The following SDK2 variants were observed in gnomAD, a reference collection of about 807,000 sequenced individuals.
SDK2 encodes sidekick cell adhesion molecule 2.
In SDK2, 105 loss-of-function variants were observed where a neutral mutation model predicts 253.9. That is an observed-to-expected ratio of 0.41 (90% CI 0.35 to 0.49). SDK2 has a LOEUF of 0.49. Ranked by LOEUF, SDK2 falls within the 20% of genes least tolerant of loss-of-function variation. The pLI, the probability that SDK2 is intolerant of heterozygous loss-of-function variation, is 0.06. For synonymous variants in SDK2, 1,249 were observed against 1,234.9 expected, an observed-to-expected ratio of 1.01 and a Z score of -0.24; for missense variants, 2,608 against 3,003.0, an observed-to-expected ratio of 0.87 and a Z score of 3.07.
At chr17:73,441,228 T>C (rs2063413349) in intron 5 of SDK2, among the ~76,000 whole-genome samples, 1 of 141,218 alleles carries the variant, frequency 7.1e-6, no homozygotes, top group African/African-American at 2.6e-5. Context: ...TCCTGTTCCA[T>C]TCCCTTCAAA....
intron 1 of SDK2, among the ~76,000 whole-genome samples, chr17:73,550,771 G>A (rs969733024): frequency 2.0e-5 from 3 of 152,222 alleles, no homozygotes; most frequent in African/African-American, 7.2e-5. Flanking sequence ...GGACAGTGAG[G>A]TAACCCAGAG....
rs545130544 is a variant in SDK2, at chr17:73,618,213, G to A, written c.64+25812C>T. ...ACCCATTCATTAGCCTGTAAATGAC[G>A]CAGCTCTTATACCTAGGAGTGTCCC... On this transcript the variant is annotated intron_variant, in intron 1 of 44. Coordinates refer to ENST00000392650, the MANE Select transcript of SDK2 (RefSeq NM_001144952.2). This position sits in a 1 kb window ranked among gnomAD's most constrained non-coding sequence, Gnocchi z 4.1. Among the ~76,000 whole-genome samples the A allele has an allele frequency of 2.5e-4, 38 of 152,314 alleles. No homozygotes were observed. The highest frequency in any genetic ancestry group is 6.3e-4 in the African/African-American group (26 of 41,566).
rs1414313696 is a variant in SDK2, at chr17:73,398,394, C to A, written c.3129G>T (p.Leu1043=). The A allele has an allele frequency of 2.6e-5, 42 of 1,613,938 alleles. No individual in the cohort carries two copies. Among genetic ancestry groups the A allele is most frequent in the Non-Finnish European group, 3.6e-5 (42 of 1,179,848 alleles). ...GVVGEGEEWL[L]IHQLSNEPDA... Reference sequence around the variant, plus strand: ...CGGGCTCATTGGAGAGCTGGTGGATCAGCAACCACTCCTCTCCCTCCCCAA... The same window carrying A: ...CGGGCTCATTGGAGAGCTGGTGGATAAGCAACCACTCCTCTCCCTCCCCAA... Residue 1043 remains leucine (L), a synonymous_variant, in exon 23 of 45, where the codon CTG becomes CTT. Transcript: ENST00000392650.
intron 36 of SDK2, among the ~76,000 whole-genome samples, chr17:73,374,952 T>C (rs964586612): frequency 6.6e-6 from 1 of 152,128 alleles, no homozygotes; most frequent in Non-Finnish European, 1.5e-5. Flanking sequence ...CGGGACCCTC[T>C]GAAGGTCCCA....
intron 1 of SDK2, among the ~76,000 whole-genome samples, chr17:73,560,061 C>T (rs1324386390): frequency 6.6e-6 from 1 of 152,196 alleles, no homozygotes; most frequent in Non-Finnish European, 1.5e-5. Flanking sequence ...CTTGGCCCTA[C>T]TGAGACCAGG....
chr17:73,552,987 C>T (rs1567839221), intron 1 of SDK2, among the ~76,000 whole-genome samples: 1 of 152,204 alleles, frequency 6.6e-6, no homozygotes, highest in African/African-American at 2.4e-5. Flanking sequence ...TCCTCGAGCA[C>T]CCTAATCCCA....
chr17:73,549,713 G>A (rs1449873741), intron 1 of SDK2, among the ~76,000 whole-genome samples: 4 of 152,074 alleles, frequency 2.6e-5, no homozygotes, highest in African/African-American at 4.8e-5. Context: ...GACAGAATGC[G>A]GCAGGTCCCA....
chr17:73,466,375 A>C (rs909705183), intron 3 of SDK2, among the ~76,000 whole-genome samples: 1 of 152,214 alleles, frequency 6.6e-6, no homozygotes, highest in Non-Finnish European at 1.5e-5. Flanking sequence ...GTCCGTACTC[A>C]TGGTAGCATC....
At chr17:73,624,312 G>A (rs1408959272) in intron 1 of SDK2, among the ~76,000 whole-genome samples, 1 of 152,198 alleles carries the variant, frequency 6.6e-6, no homozygotes, top group East Asian at 1.9e-4. Context: ...TGGGAAACAT[G>A]GCAAAACCCT....
chr17:73,380,214 G>C lies in SDK2; in HGVS notation c.4763-665C>G, dbSNP rs75345616. ...CCTGGGTAGGTCTACCCTTTAACAG[G>C]GTTGTGAGAGGGGTGTCACCCTTGC... On this transcript the variant is annotated intron_variant, in intron 34 of 44. Coordinates refer to ENST00000392650, the MANE Select transcript of SDK2 (RefSeq NM_001144952.2). 2.0e-3 allele frequency among the ~76,000 whole-genome samples: 299 copies of C among 152,232 alleles called. 5 individuals are homozygous for C. The East Asian group carries it at 0.046, about 23-fold the overall frequency.
At chr17:73,406,246 C>CTTTTT (rs56122304) in intron 18 of SDK2, among the ~76,000 whole-genome samples, 1 of 139,826 alleles carries the variant, frequency 7.2e-6, no homozygotes. Flanking sequence ...CTACTACACT[C>CTTTTT]TTTTTTTTTT....
intron 1 of SDK2, among the ~76,000 whole-genome samples, chr17:73,574,108 C>T (rs144500151): frequency 6.6e-6 from 1 of 152,314 alleles, no homozygotes; most frequent in Non-Finnish European, 1.5e-5. Flanking sequence ...AAGCTCTGCC[C>T]ACATCTATGC....
chr17:73,419,104 C>T (rs2063206226), intron 16 of SDK2, 62 bp downstream of exon 16: 2 of 1,570,316 alleles, frequency 1.3e-6, no homozygotes, highest in Non-Finnish European at 1.7e-6. Flanking sequence ...CAGTCCACTC[C>T]CGATCTTCCC....
chr17:73,458,778 G>A (rs59699885), intron 3 of SDK2, among the ~76,000 whole-genome samples: 1,565 of 152,322 alleles, frequency 0.01, 32 homozygotes, highest in African/African-American at 0.036. Flanking sequence ...GGCTGAGGCA[G>A]GCGGATCATG....
chr17:73,545,919 G>A (rs770965217), intron 1 of SDK2, among the ~76,000 whole-genome samples: 1 of 152,192 alleles, frequency 6.6e-6, no homozygotes, highest in Non-Finnish European at 1.5e-5. Flanking sequence ...GACAAGTTAG[G>A]AGGTGGCCAG....
chr17:73,435,778 C>T lies in SDK2; in HGVS notation c.1001-134G>A. 1 of 727,784 alleles carries T rather than the reference C, an allele frequency of 1.4e-6. No individual in the cohort carries two copies. The highest frequency in any genetic ancestry group is 2.2e-6 in the Non-Finnish European group (1 of 458,006). 45.1% of individuals were successfully genotyped at this position (727,784 alleles called of 1,614,324 possible). A position where few individuals can be genotyped will look rare whatever the true frequency, so the allele number is the denominator to read the frequency against. ...TGAATCTTGGTGTCTAGAACCTTCT[C>T]AGAGGTGCCACTTTGGGTCTAGGGA... On this transcript the variant is annotated intron_variant, in intron 8 of 44. Coordinates refer to ENST00000392650, the MANE Select transcript of SDK2 (RefSeq NM_001144952.2). The surrounding 1 kb of genome is among the most constrained non-coding windows in gnomAD (Gnocchi z 5.7).
chr17:73,445,624 T>TGAGG (rs887520717), intron 5 of SDK2, among the ~76,000 whole-genome samples: 1 of 150,914 alleles, frequency 6.6e-6, no homozygotes, highest in African/African-American at 2.4e-5. Context: ...GACGGAGGGG[T>TGAGG]GAGGCCCAGG....
intron 41 of SDK2, among the ~76,000 whole-genome samples, chr17:73,351,629 A>AG (rs1021252516): frequency 2.6e-5 from 4 of 152,094 alleles, no homozygotes; most frequent in Non-Finnish European, 5.9e-5. Flanking sequence ...CACGATCTGA[A>AG]GAAAAACCAG....
At chr17:73,357,406 C>T (rs1302768857) in intron 40 of SDK2, 1 of 155,796 alleles carries the variant, frequency 6.4e-6, no homozygotes, top group Non-Finnish European at 1.4e-5. Context: ...AACCGCGGAT[C>T]CATGGGATAC....
Sources: allele counts gnomAD v4.1 joint callset (sites outside exome capture counted in the v4.1 genomes callset), GRCh38; gene constraint gnomAD v4.1.1; non-coding constraint Gnocchi (gnomAD v3.1); transcripts MANE v1.5; gene names NCBI Gene and HGNC (gene_info 2026-07-23, HGNC 2026-07-21).